The following TUBGCP2 variants were observed in gnomAD, a reference collection of about 807,000 sequenced individuals.
The protein encoded by TUBGCP2 is tubulin gamma complex component 2, also known as gamma-tubulin complex component 2.
Under a neutral mutation model 92.2 loss-of-function variants are expected in TUBGCP2, and 55 were observed. The ratio of observed to expected loss-of-function variants is 0.60; its 90% CI spans 0.48 to 0.75. The LOEUF (loss-of-function observed/expected upper bound fraction) is 0.75. Ranked by LOEUF, TUBGCP2 falls within the 30% of genes least tolerant of loss-of-function variation. TUBGCP2 has a pLI of 0.00. For synonymous variants in TUBGCP2, 533 were observed against 505.2 expected, an observed-to-expected ratio of 1.06 and a Z score of -0.74; for missense variants, 1,093 against 1,188.9, an observed-to-expected ratio of 0.92 and a Z score of 1.19.
intron 1 of TUBGCP2, among the ~76,000 whole-genome samples, chr10:133,306,761 C>T (rs958435387): frequency 6.6e-6 from 1 of 152,070 alleles, no homozygotes; most frequent in Non-Finnish European, 1.5e-5. Context: ...GCATTCCAGC[C>T]TGGGCAACAG....
chr10:133,305,710 T>C (rs1847798772), intron 1 of TUBGCP2, among the ~76,000 whole-genome samples: 1 of 152,070 alleles, frequency 6.6e-6, no homozygotes, highest in Non-Finnish European at 1.5e-5. Context: ...AGACAGTTTA[T>C]CTGTAGATGA....
chr10:133,293,516 TC>T (rs759195918), intron 6 of TUBGCP2, 45 bp downstream of exon 6: 27 of 1,537,644 alleles, frequency 1.8e-5, no homozygotes, highest in Non-Finnish European at 2.2e-5. Context: ...ACCTAACCCC[TC>T]CCCCACAACA....
At chr10:133,309,677 T>C (rs1008264142), upstream of TUBGCP2, 35 of 1,414,976 alleles carry the variant, frequency 2.5e-5, no homozygotes, top group Middle Eastern at 2.4e-4. Flanking sequence ...AAAAGATGCA[T>C]AGGGGCTTTA....
At chr10:133,291,951 G>A (rs571416923) in intron 8 of TUBGCP2, among the ~76,000 whole-genome samples, 3 of 23,514 alleles carry the variant, frequency 1.3e-4, no homozygotes, top group Non-Finnish European at 1.8e-4. Context: ...GTGTCCCTCC[G>A]TGTCCCCGTG....
intron 6 of TUBGCP2, 121 bp downstream of exon 6, chr10:133,293,441 G>C (rs889764066): frequency 7.8e-6 from 10 of 1,282,902 alleles, no homozygotes; most frequent in Non-Finnish European, 1.1e-5. Flanking sequence ...TGGGCACGGA[G>C]TTGTCACCAA....
At chr10:133,298,573 G>A (rs577702456) in intron 4 of TUBGCP2, among the ~76,000 whole-genome samples, 1 of 152,388 alleles carries the variant, frequency 6.6e-6, no homozygotes, top group East Asian at 1.9e-4. Context: ...CAGCGTGACA[G>A]GATGGCTCCT....
At chr10:133,304,292 CAAAAAACAAAACAAAACAAA>C (rs1847754178) in intron 1 of TUBGCP2, among the ~76,000 whole-genome samples, 2 of 152,018 alleles carry the variant, frequency 1.3e-5, no homozygotes, top group African/African-American at 4.8e-5. Flanking sequence ...CCTGTCTCAA[CAAAAAACAAAACAAAACAAA>C]AAACACAGGC....
chr10:133,293,584 C>T lies in TUBGCP2; in HGVS notation c.802G>A (p.Ala268Thr), dbSNP rs148337741. ...CACCTGGTCACAGCGGAGTAGCTGG[C>T]GGCCACTGGGAGGATCCTGTGCACC... ...ELVHRILPVA[A>T]SYSAVTRFIE... is the part of the protein sequence containing the mutation. Residue 268 changes from alanine to threonine, a missense_variant, in exon 6 of 18, where the codon GCC becomes ACC. Physicochemically the swap from Ala to Thr is moderately conservative, Grantham distance 58. Coordinates refer to ENST00000252936, the MANE Select transcript of TUBGCP2 (RefSeq NM_006659.4). 121 of 1,553,278 alleles carry T rather than the reference C, an allele frequency of 7.8e-5. No homozygotes were observed. The highest frequency in any genetic ancestry group is 9.4e-5 in the Non-Finnish European group (108 of 1,148,390).
At chr10:133,309,115 GA>G (rs1404811553), upstream of TUBGCP2, 3 of 1,333,040 alleles carry the variant, frequency 2.3e-6, no homozygotes, top group South Asian at 2.4e-5. Flanking sequence ...GCAAAAGAGG[GA>G]AAAAGTAGTT....
chr10:133,281,474 C>G, intron 16 of TUBGCP2, 38 bp from the exon 17 acceptor site: 1 of 1,600,488 alleles, frequency 6.2e-7, no homozygotes, highest in South Asian at 1.1e-5. Flanking sequence ...CATGCCCACC[C>G]CCACCGTGGG....
At chr10:133,295,566 CT>C (rs1465257180) in intron 5 of TUBGCP2, 1 of 152,362 alleles carries the variant, frequency 6.6e-6, no homozygotes, top group Non-Finnish European at 1.5e-5. Flanking sequence ...CACGTGGCTC[CT>C]CCGTGCCGGT....
intron 3 of TUBGCP2, 55 bp from the exon 4 acceptor site, chr10:133,299,658 G>C: frequency 1.4e-6 from 2 of 1,477,318 alleles, no homozygotes; most frequent in South Asian, 2.5e-5. Context: ...TTTGGCCATA[G>C]GGGGAGAGTA....
chr10:133,311,917 C>T (rs768917726), upstream of TUBGCP2: 20 of 1,613,032 alleles, frequency 1.2e-5, no homozygotes, highest in East Asian at 8.9e-5. Flanking sequence ...GCACCTGGGC[C>T]GCAGCTCTTC....
Position 133,292,453 on chromosome 10 carries a change from C to T in TUBGCP2, c.1214+46G>A, listed in dbSNP as rs559994054. 2.7e-6 allele frequency: 2 copies of T among 745,326 alleles called. 1 individual carries two copies. Among genetic ancestry groups the T allele is most frequent in the Non-Finnish European group, 3.7e-6 (2 of 546,448 alleles). The allele number at this position is 745,326 out of a possible 1,614,324, so 46.2% of individuals were successfully genotyped here. ...ACACTCCGTGTCCCCCATGTCCCTC[C>T]GTGTCCCCGTGTCCCTCCGTGTCCC... On this transcript the variant is annotated intron_variant, in intron 8 of 17. Coordinates refer to ENST00000252936, the MANE Select transcript of TUBGCP2 (RefSeq NM_006659.4).
chr10:133,310,320 CT>C (rs748151168), upstream of TUBGCP2: 47 of 1,611,660 alleles, frequency 2.9e-5, no homozygotes, highest in African/African-American at 5.4e-4. Context: ...CACGTGTCTG[CT>C]TTTGATTTTA....
intron 13 of TUBGCP2, among the ~76,000 whole-genome samples, 198 bp downstream of exon 13, chr10:133,284,887 C>T (rs1286665275): frequency 2.6e-5 from 4 of 152,220 alleles, no homozygotes; most frequent in African/African-American, 7.2e-5. Flanking sequence ...TGGACGGCAG[C>T]GCCGTGCAGC....
chr10:133,303,880 C>G (rs1016988434), intron 1 of TUBGCP2, among the ~76,000 whole-genome samples: 1 of 152,204 alleles, frequency 6.6e-6, no homozygotes, highest in Non-Finnish European at 1.5e-5. Flanking sequence ...AGATCGAAGG[C>G]GTCACAGACA....
Position 133,301,700 on chromosome 10 carries a change from C to CTTTTTTTTTTTTTTTT in TUBGCP2, c.150+1076_150+1091dup, listed in dbSNP as rs71016439. 8 of 87,254 alleles carry CTTTTTTTTTTTTTTTT rather than the reference C, an allele frequency of 9.2e-5. 1 individual carries two copies. Among genetic ancestry groups the CTTTTTTTTTTTTTTTT allele is most frequent in the East Asian group, 3.2e-4 (1 of 3,142 alleles). 5.4% of individuals were successfully genotyped at this position (87,254 alleles called of 1,614,324 possible). On this transcript the variant is annotated intron_variant, in intron 2 of 17. Transcript: ENST00000252936. ...CAACATGGTTAATACCAGTCCCTCC[C>CTTTTTTTTTTTTTTTT]TTTTTTTTTTTTTTTTTTTTTTTTT...
At position 133,299,316 on chromosome 10, in the gene TUBGCP2, C is replaced by T. The variant is rs112927251; in HGVS notation, c.456+111G>A. 2.2e-4 allele frequency: 187 copies of T among 865,124 alleles called. No homozygotes were observed. In the African/African-American group the frequency reaches 2.5e-3, roughly 12 times the overall value. The allele number at this position is 865,124 out of a possible 1,614,324, so 53.6% of individuals were successfully genotyped here. On this transcript the variant is annotated intron_variant, in intron 4 of 17. Coordinates refer to ENST00000252936, the MANE Select transcript of TUBGCP2 (RefSeq NM_006659.4). ...TCATTTTCAATAAATGACAGAGAGA[C>T]ATGTCCTTCCAGCAGGGGCCCGGCA...
Sources: gnomAD v4.1 joint callset for allele counts (sites outside exome capture counted in the v4.1 genomes callset) on GRCh38, gnomAD v4.1.1 for gene constraint, MANE v1.5 for transcripts, NCBI Gene and HGNC (gene_info 2026-07-23, HGNC 2026-07-21) for gene names.